The following CSNK2A2 variants were observed in gnomAD, a reference collection of about 807,000 sequenced individuals.
The protein encoded by CSNK2A2 is casein kinase II subunit alpha'.
CSNK2A2 carries 8 observed loss-of-function variants against 54.0 expected under a neutral mutation model. The observed-to-expected ratio is 0.15, with a 90% CI of 0.09 to 0.27. CSNK2A2 has a LOEUF of 0.27. CSNK2A2 is among the 10% of genes least tolerant of loss of function. The probability of loss-of-function intolerance (pLI) is 1.00; values close to 1 mark genes in which losing one functional copy is unlikely to be tolerated. For missense variants in CSNK2A2, 242 were observed against 439.4 expected (o/e 0.55, Z 4.02); for synonymous variants, 141 against 153.9 (o/e 0.92, Z 0.62).
chr16:58,176,037 G>T (rs1961869759), intron 4 of CSNK2A2, among the ~76,000 whole-genome samples: 1 of 152,182 alleles, frequency 6.6e-6, no homozygotes, highest in Non-Finnish European at 1.5e-5. Context: ...GGACTTGGCT[G>T]CACACTGACA....
chr16:58,177,530 C>T (rs955587105), intron 4 of CSNK2A2, among the ~76,000 whole-genome samples: 3 of 152,320 alleles, frequency 2.0e-5, no homozygotes, highest in South Asian at 2.1e-4. Context: ...GGCATACACA[C>T]AGCTGTTCAG....
chr16:58,195,913 A>G (rs1962432775), intron 2 of CSNK2A2, among the ~76,000 whole-genome samples: 2 of 152,256 alleles, frequency 1.3e-5, no homozygotes, highest in Admixed American at 6.5e-5. Context: ...AAGGCTTCTC[A>G]GCACTACTGG....
At chr16:58,190,774 C>T (rs1962304813) in intron 2 of CSNK2A2, among the ~76,000 whole-genome samples, 1 of 152,226 alleles carries the variant, frequency 6.6e-6, no homozygotes, top group South Asian at 2.1e-4. Context: ...AACAGCCACA[C>T]TTGTACACTG....
intron 5 of CSNK2A2, among the ~76,000 whole-genome samples, chr16:58,171,979 A>ATATATATTTTTTTTTTTTT (rs1261137669): frequency 1.5e-5 from 1 of 66,216 alleles, no homozygotes; most frequent in Non-Finnish European, 2.5e-5. Context: ...ATATATATAT[A>ATATATATTTTTTTTTTTTT]TTTTTTTTTT....
intron 5 of CSNK2A2, among the ~76,000 whole-genome samples, chr16:58,171,391 T>C (rs936145884): frequency 6.6e-6 from 1 of 151,850 alleles, no homozygotes; most frequent in Non-Finnish European, 1.5e-5. Context: ...GGTGTGGTGG[T>C]GCGTGCCTGT....
At chr16:58,166,025 T>G (rs1961551893) in intron 9 of CSNK2A2, among the ~76,000 whole-genome samples, 1 of 152,220 alleles carries the variant, frequency 6.6e-6, no homozygotes, top group Non-Finnish European at 1.5e-5. Context: ...GCAATTTTTA[T>G]TGGTCAGCAG....
chr16:58,183,515 A>G (rs1035650252), intron 4 of CSNK2A2, among the ~76,000 whole-genome samples: 1 of 152,058 alleles, frequency 6.6e-6, no homozygotes, highest in African/African-American at 2.4e-5. Context: ...TCTCTTATTC[A>G]CTGACAGAGT....
chr16:58,165,416 A>T, intron 10 of CSNK2A2, 144 bp downstream of exon 10: 1 of 765,086 alleles, frequency 1.3e-6, no homozygotes, highest in Non-Finnish European at 1.9e-6. Context: ...AGTTGTCTCA[A>T]TCATCTACGA....
intron 11 of CSNK2A2, chr16:58,159,944 T>C (rs1442665632): frequency 6.6e-6 from 1 of 152,230 alleles, no homozygotes; most frequent in Non-Finnish European, 1.5e-5. Context: ...ATACATGCAG[T>C]TCAGGGTTAA....
At chr16:58,195,517 G>A (rs1280509850) in intron 2 of CSNK2A2, among the ~76,000 whole-genome samples, 1 of 152,146 alleles carries the variant, frequency 6.6e-6, no homozygotes, top group African/African-American at 2.4e-5. Context: ...CAGAACCTCT[G>A]CAAAAGGGCC....
intron 6 of CSNK2A2, 67 bp from the exon 7 acceptor site, chr16:58,167,862 C>T: frequency 8.6e-7 from 1 of 1,168,510 alleles, no homozygotes; most frequent in Non-Finnish European, 1.3e-6. Context: ...TAGAACAAGG[C>T]CACATCACAT....
intron 2 of CSNK2A2, among the ~76,000 whole-genome samples, 162 bp from the exon 3 acceptor site, chr16:58,187,018 GCCCATAA>G (rs1199838357): frequency 6.6e-6 from 1 of 151,936 alleles, no homozygotes; most frequent in Non-Finnish European, 1.5e-5. Flanking sequence ...GAATGGGCTT[GCCCATAA>G]GAACCTTTAA....
chr16:58,166,641 C>T lies in CSNK2A2; in HGVS notation c.770G>A (p.Gly257Glu). 3 of 1,613,644 alleles carry T rather than the reference C, an allele frequency of 1.9e-6. No individual in the cohort carries two copies. The highest frequency in any genetic ancestry group is 2.5e-6 in the Non-Finnish European group (3 of 1,179,824). ...GTCTATGTGATACTTCTTCAGATAC[C>T]CATACAGTTCTTCTGTACCCAGAAC... ...AKVLGTEELY[G>E]YLKKYHIDLD... Residue 257 changes from glycine to glutamate, a missense_variant, in exon 9 of 12, where the codon GGG becomes GAG. Around this residue, in one of 5 missense-constraint regions of CSNK2A2, gnomAD observed 81 missense variants for 135.0 expected, o/e 0.60. Coordinates refer to ENST00000262506, the MANE Select transcript of CSNK2A2 (RefSeq NM_001896.4).
In CSNK2A2 at chr16:58,165,713, G is replaced by A. The variant is rs751759796; in HGVS notation, c.828-5C>T. Reference sequence around the variant, plus strand: ...TCCCAGCGTTTCCGTGAATGTCTGAGAAGAAAAATGAAGCATTAGTAACCA... The same window carrying A: ...TCCCAGCGTTTCCGTGAATGTCTGAAAAGAAAAATGAAGCATTAGTAACCA... On this transcript the variant is annotated splice_region_variant and splice_polypyrimidine_tract_variant and intron_variant, in intron 9 of 11. Transcript: ENST00000262506. 1 of 1,605,234 alleles carries A rather than the reference G, an allele frequency of 6.2e-7. No homozygotes were observed. The highest frequency in any genetic ancestry group is 1.7e-5 in the Admixed American group (1 of 57,442).
intron 4 of CSNK2A2, among the ~76,000 whole-genome samples, chr16:58,176,516 G>GT (rs1274147267): frequency 6.6e-6 from 1 of 152,182 alleles, no homozygotes; most frequent in African/African-American, 2.4e-5. Context: ...AACTACATCT[G>GT]TAACATTTAA....
chr16:58,164,174 G>T, intron 10 of CSNK2A2, 27 bp from the exon 11 acceptor site: 1 of 1,611,154 alleles, frequency 6.2e-7, no homozygotes, highest in Non-Finnish European at 8.5e-7. Context: ...GGAAAGTCAG[G>T]CAATCAGGGT....
intron 2 of CSNK2A2, among the ~76,000 whole-genome samples, chr16:58,188,923 T>C (rs1049371660): frequency 4.0e-5 from 6 of 150,998 alleles, no homozygotes; most frequent in African/African-American, 1.5e-4. Flanking sequence ...TCCAAAATTA[T>C]GTTAAGAAGT....
intron 2 of CSNK2A2, among the ~76,000 whole-genome samples, chr16:58,193,295 T>C (rs1962359866): frequency 6.6e-6 from 1 of 152,330 alleles, no homozygotes; most frequent in East Asian, 1.9e-4. Flanking sequence ...CAAAGATGTA[T>C]AACCAATGCC....
chr16:58,165,779 A>G (rs960176587), intron 9 of CSNK2A2, 71 bp from the exon 10 acceptor site: 3 of 1,495,404 alleles, frequency 2.0e-6, no homozygotes, highest in Non-Finnish European at 1.8e-6. Flanking sequence ...CTAGGGCTAA[A>G]GCCAACAAAA....
Sources: gnomAD v4.1 joint callset for allele counts (sites outside exome capture counted in the v4.1 genomes callset) on GRCh38, gnomAD v4.1.1 for gene constraint, gnomAD v4.1.1 regional missense constraint, MANE v1.5 for transcripts, NCBI Gene and HGNC (gene_info 2026-07-23, HGNC 2026-07-21) for gene names.